The following USP54 variants were observed in gnomAD, a reference collection of about 807,000 sequenced individuals.
USP54 encodes the protein ubiquitin carboxyl-terminal hydrolase 54.
USP54 carries 87 observed loss-of-function variants against 170.5 expected under a neutral mutation model. The ratio of observed to expected loss-of-function variants is 0.51; its 90% confidence interval spans 0.43 to 0.61. The LOEUF (loss-of-function observed/expected upper bound fraction) is 0.61. Ranked by LOEUF, USP54 falls within the 20% of genes least tolerant of loss-of-function variation. The pLI is 0.00. For synonymous variants in USP54, 655 were observed against 742.8 expected (o/e 0.88, Z 1.92); for missense variants, 1,786 against 2,047.8 (o/e 0.87, Z 2.47).
intron 20 of USP54, among the ~76,000 whole-genome samples, chr10:73,509,101 C>A (rs1589858389): frequency 2.2e-5 from 2 of 90,560 alleles, no homozygotes; most frequent in East Asian, 3.5e-4. Context: ...GGGTATCATA[C>A]TGGCAAAAAA....
intron 4 of USP54, among the ~76,000 whole-genome samples, chr10:73,562,105 A>G (rs1008909423): frequency 6.6e-6 from 1 of 151,952 alleles, no homozygotes; most frequent in Non-Finnish European, 1.5e-5. Context: ...TGTCTCATTA[A>G]AAAAAAGAGA....
At chr10:73,555,409 C>G (rs2070713544) in intron 4 of USP54, among the ~76,000 whole-genome samples, 2 of 152,156 alleles carry the variant, frequency 1.3e-5, no homozygotes, top group African/African-American at 4.8e-5. Flanking sequence ...TTTGGACTTG[C>G]AATGGTGAGG....
chr10:73,622,300 ATATTTATT>A (rs112001853), intron 1 of USP54, among the ~76,000 whole-genome samples: 15,439 of 149,564 alleles, frequency 0.1, 1,557 homozygotes, highest in African/African-American at 0.25. Context: ...GACTGTTGTA[ATATTTATT>A]TATTTATTTA....
At chr10:73,610,532 G>A (rs2080059287) in intron 1 of USP54, among the ~76,000 whole-genome samples, 1 of 152,058 alleles carries the variant, frequency 6.6e-6, no homozygotes, top group African/African-American at 2.4e-5. Context: ...GCTGAAGTGG[G>A]AGAATCGCTT....
chr10:73,621,426 C>T (rs1193800303), intron 1 of USP54, among the ~76,000 whole-genome samples: 2 of 150,118 alleles, frequency 1.3e-5, no homozygotes, highest in African/African-American at 2.5e-5. Flanking sequence ...ATAATGAAAC[C>T]CTGTCTCTAC....
intron 20 of USP54, among the ~76,000 whole-genome samples, chr10:73,511,191 T>A (rs1204218023): frequency 6.7e-6 from 1 of 149,562 alleles, no homozygotes; most frequent in Non-Finnish European, 1.5e-5. Flanking sequence ...CTCTGCCTCC[T>A]GGGTTCAAAC....
At chr10:73,508,066 G>A (rs1207738455) in intron 20 of USP54, among the ~76,000 whole-genome samples, 2 of 152,090 alleles carry the variant, frequency 1.3e-5, no homozygotes, top group Non-Finnish European at 2.9e-5. Flanking sequence ...GTGACTCCTG[G>A]ACAAGAAGGT....
chr10:73,502,771 C>G (rs1251071794), intron 22 of USP54, among the ~76,000 whole-genome samples: 1 of 152,096 alleles, frequency 6.6e-6, no homozygotes, highest in African/African-American at 2.4e-5. Context: ...GTCCTGGCTC[C>G]TCTTCTCTTT....
chr10:73,571,335 G>T, intron 4 of USP54, 86 bp downstream of exon 4: 1 of 1,087,172 alleles, frequency 9.2e-7, no homozygotes, highest in South Asian at 1.4e-5. Context: ...AAATTCTTTG[G>T]CATCATCCTG....
At chr10:73,612,438 T>G (rs962733238) in intron 1 of USP54, among the ~76,000 whole-genome samples, 1 of 152,182 alleles carries the variant, frequency 6.6e-6, no homozygotes, top group Non-Finnish European at 1.5e-5. Context: ...TGTCAAGATA[T>G]TACAAGCATT....
chr10:73,553,125 C>T (rs916325134), intron 4 of USP54: 1 of 152,200 alleles, frequency 6.6e-6, no homozygotes, highest in Non-Finnish European at 1.5e-5. Flanking sequence ...AAGGTCAGAG[C>T]TCTGACTGCA....
chr10:73,591,902 C>T (rs909476175), upstream of USP54, among the ~76,000 whole-genome samples: 2 of 152,124 alleles, frequency 1.3e-5, no homozygotes, highest in Non-Finnish European at 2.9e-5. Context: ...ATAGGCAAAA[C>T]TCCTCCAACT....
intron 4 of USP54, among the ~76,000 whole-genome samples, chr10:73,552,927 A>C (rs1389516236): frequency 2.6e-5 from 4 of 152,220 alleles, no homozygotes; most frequent in African/African-American, 9.7e-5. Context: ...CCTGTCTGTC[A>C]CTGTCCTATG....
At chr10:73,621,844 A>C (rs1318470130) in intron 1 of USP54, among the ~76,000 whole-genome samples, 2 of 152,134 alleles carry the variant, frequency 1.3e-5, no homozygotes, top group Admixed American at 1.3e-4. Flanking sequence ...TAACAATACA[A>C]ATTTTGTATT....
At chr10:73,605,218 C>G (rs961428625) in intron 1 of USP54, among the ~76,000 whole-genome samples, 6 of 152,178 alleles carry the variant, frequency 3.9e-5, no homozygotes, top group Admixed American at 1.3e-4. Flanking sequence ...GCCCCCGCCA[C>G]CATGCCTGGC....
chr10:73,614,435 C>T (rs895909149), intron 1 of USP54, among the ~76,000 whole-genome samples: 12 of 149,508 alleles, frequency 8.0e-5, no homozygotes, highest in African/African-American at 2.8e-4. Context: ...GTGGTATGCA[C>T]CTGTAGTCCC....
intron 4 of USP54, among the ~76,000 whole-genome samples, chr10:73,569,531 C>T (rs2074581438): frequency 6.6e-6 from 1 of 152,000 alleles, no homozygotes; most frequent in African/African-American, 2.4e-5. Context: ...CCTGTAATCC[C>T]AGCACTTTGG....
At chr10:73,605,094 A>G (rs2079516677) in intron 1 of USP54, among the ~76,000 whole-genome samples, 1 of 152,256 alleles carries the variant, frequency 6.6e-6, no homozygotes, top group African/African-American at 2.4e-5. Flanking sequence ...TCCTTTAGCT[A>G]GACACAGAGC....
At chr10:73,557,535 C>G (rs986826079) in intron 4 of USP54, among the ~76,000 whole-genome samples, 28 of 148,096 alleles carry the variant, frequency 1.9e-4, no homozygotes, top group Non-Finnish European at 3.6e-4. Context: ...CGCCAGGCTG[C>G]AGTGCAGTGG....
Sources: gnomAD v4.1 joint callset for allele counts (sites outside exome capture counted in the v4.1 genomes callset) on GRCh38, gnomAD v4.1.1 for gene constraint, MANE v1.5 for transcripts, NCBI Gene and HGNC (gene_info 2026-07-23, HGNC 2026-07-21) for gene names.